Variants in NCOA2 observed in about 807,000 individuals in gnomAD.
NCOA2 encodes class E basic helix-loop-helix protein 75.
Under a neutral mutation model 145.1 loss-of-function variants are expected in NCOA2, and 21 were observed. The ratio of observed to expected loss-of-function variants is 0.14; its 90% CI spans 0.10 to 0.21. NCOA2 has a LOEUF of 0.21. Ranked by LOEUF, NCOA2 falls within the 10% of genes least tolerant of loss-of-function variation. The probability of loss-of-function intolerance (pLI) is 1.00; values close to 1 mark genes in which losing one functional copy is unlikely to be tolerated. For missense variants in NCOA2, 1,472 were observed against 1,837.6 expected (o/e 0.80, Z 3.64); for synonymous variants, 619 against 637.5 (o/e 0.97, Z 0.44).
intron 4 of NCOA2, among the ~76,000 whole-genome samples, chr8:70,208,262 C>A (rs947046781): frequency 6.6e-6 from 1 of 150,996 alleles, no homozygotes; most frequent in Non-Finnish European, 1.5e-5. Context: ...GAAGAAAATT[C>A]TATGAGAAGA....
chr8:70,376,570 A>T (rs1355515812), intron 1 of NCOA2, among the ~76,000 whole-genome samples: 1 of 152,234 alleles, frequency 6.6e-6, no homozygotes, highest in Non-Finnish European at 1.5e-5. Flanking sequence ...CAGAATCAAG[A>T]GACCAGGGTG....
In NCOA2 at chr8:70,128,452, C is replaced by A; in HGVS notation, c.3662G>T (p.Arg1221Met). The change falls in exon 18 of 23, where the codon AGG becomes ATG. Residue 1221 changes from arginine (R) to methionine (M), a missense_variant. By Grantham distance (91) the Arg-to-Met change is moderately conservative. Around this residue, in one of 4 missense-constraint regions of NCOA2, gnomAD observed 953 missense variants for 1,062.1 expected, o/e 0.90. Coordinates refer to ENST00000452400, the MANE Select transcript of NCOA2 (RefSeq NM_006540.4). ...CCTTACCTGTGTTGGTACTCCAGGC[C>A]TCAGAGTCAAGTTCACATTGGAAAC... ...SNVSNVNLTLRPGVPTQAPIN... is the reference protein window; with the variant it reads ...SNVSNVNLTLMPGVPTQAPIN... 6.2e-7 allele frequency: 1 copy of A among 1,612,680 alleles called. No homozygotes were observed. The highest frequency in any genetic ancestry group is 8.5e-7 in the Non-Finnish European group (1 of 1,179,426).
intron 4 of NCOA2, among the ~76,000 whole-genome samples, chr8:70,206,405 T>C (rs1818444847): frequency 1.3e-5 from 2 of 152,250 alleles, no homozygotes; most frequent in Admixed American, 1.3e-4. Flanking sequence ...TGAAAGCTTA[T>C]TTATAAAACA....
At chr8:70,234,390 G>T (rs1428780786) in intron 2 of NCOA2, among the ~76,000 whole-genome samples, 1 of 152,152 alleles carries the variant, frequency 6.6e-6, no homozygotes, top group East Asian at 1.9e-4. Flanking sequence ...AATGGAATCG[G>T]TGAGTCATAT....
intron 2 of NCOA2, among the ~76,000 whole-genome samples, chr8:70,217,238 G>A (rs1819707149): frequency 1.3e-5 from 2 of 152,160 alleles, no homozygotes; most frequent in Admixed American, 6.5e-5. Flanking sequence ...GCCAGGACAC[G>A]AAATTGAAGG....
At chr8:70,433,390 G>A in the NCOA2 span, among the ~76,000 whole-genome samples, 20,270 of 151,626 alleles carry the variant, frequency 0.13, 1,513 homozygotes, top group South Asian at 0.21. Context: ...TTCACATTCA[G>A]GCAACAAATA....
the NCOA2 span, among the ~76,000 whole-genome samples, chr8:70,434,555 TTTTC>T: frequency 6.6e-6 from 1 of 152,076 alleles, no homozygotes; most frequent in Admixed American, 6.6e-5. Context: ...CTCAATCTCA[TTTTC>T]TTTCTTTCTT....
At chr8:70,307,220 C>CAAAAAAAAAAAAAAAAAAAAAAAAAA (rs57161747) in intron 1 of NCOA2, among the ~76,000 whole-genome samples, 1 of 71,642 alleles carries the variant, frequency 1.4e-5, no homozygotes, top group Non-Finnish European at 3.1e-5. Flanking sequence ...CCTACATAAG[C>CAAAAAAAAAAAAAAAAAAAAAAAAAA]AAAAAAAAAA....
chr8:70,263,738 AC>A (rs1424122885), intron 2 of NCOA2, among the ~76,000 whole-genome samples: 1 of 151,916 alleles, frequency 6.6e-6, no homozygotes, highest in African/African-American at 2.4e-5. Flanking sequence ...CAAAAAAAAA[AC>A]AAACAAACAA....
chr8:70,429,424 T>G, the NCOA2 span, among the ~76,000 whole-genome samples: 1 of 152,224 alleles, frequency 6.6e-6, no homozygotes, highest in Non-Finnish European at 1.5e-5. Context: ...GTGTTGTAAT[T>G]CCCCTTAATG....
Position 70,159,643 on chromosome 8 carries a change from T to C in NCOA2, c.986A>G (p.Gln329Arg). ...ATAGATTTGACTGAATGCCAATCCTTGTCTCAGTACTGCAGGCAAGCAAGG... is the reference window on the plus strand; with the variant it reads ...ATAGATTTGACTGAATGCCAATCCTCGTCTCAGTACTGCAGGCAAGCAAGG... ...AKRHHHEVLR[Q>R]GLAFSQIYRF... The change falls in exon 10 of 23, where the codon CAA (glutamine) becomes CGA (arginine). Residue 329 changes from glutamine (Q) to arginine (R), a missense_variant. Coordinates refer to ENST00000452400, the MANE Select transcript of NCOA2 (RefSeq NM_006540.4). 1 of 1,612,396 alleles carries C rather than the reference T, an allele frequency of 6.2e-7. No homozygotes were observed. The highest frequency in any genetic ancestry group is 8.5e-7 in the Non-Finnish European group (1 of 1,178,710).
the NCOA2 span, among the ~76,000 whole-genome samples, chr8:70,447,682 C>CTTTTTTTTTTTTTTTTTTTTTTTTTTTT: frequency 8.8e-6 from 1 of 113,092 alleles, no homozygotes; most frequent in Admixed American, 9.4e-5. Context: ...TCTTTGTTTT[C>CTTTTTTTTTTTTTTTTTTTTTTTTTTTT]TTTTTTTTTT....
At chr8:70,122,423 C>CTTT (rs768646156) in intron 21 of NCOA2, among the ~76,000 whole-genome samples, 1 of 143,288 alleles carries the variant, frequency 7.0e-6, no homozygotes, top group Non-Finnish European at 1.5e-5. Flanking sequence ...CTAATTTAAA[C>CTTT]TTTTTTTTTT....
At chr8:70,185,380 C>G (rs926118283) in intron 4 of NCOA2, among the ~76,000 whole-genome samples, 1 of 152,182 alleles carries the variant, frequency 6.6e-6, no homozygotes, top group Non-Finnish European at 1.5e-5. Flanking sequence ...TAAATCATAT[C>G]ATTGTAGCAG....
At chr8:70,424,573 A>AT in the NCOA2 span, 20 of 508,896 alleles carry the variant, frequency 3.9e-5, no homozygotes, top group African/African-American at 3.9e-4. Context: ...ATCACAAGAG[A>AT]TAAGGCAGCA....
chr8:70,420,194 A>G, the NCOA2 span, among the ~76,000 whole-genome samples: 6 of 152,362 alleles, frequency 3.9e-5, no homozygotes, highest in South Asian at 6.2e-4. Flanking sequence ...TTCAAAAAAT[A>G]CTTCCTCTGC....
rs1021476218 is a variant in NCOA2 at position 70,355,316 on chromosome 8, G to C, written c.-77+48384C>G. On this transcript the variant is annotated intron_variant, in intron 1 of 22. Transcript: ENST00000452400. ...TCTGAAACAAAGGAAGCACAGTTACGAGTCCTTCAAGCCAGAATATCTCGC... is the reference window on the plus strand; with the variant it reads ...TCTGAAACAAAGGAAGCACAGTTACCAGTCCTTCAAGCCAGAATATCTCGC... Among the ~76,000 whole-genome samples, 4 of 152,182 alleles carry C rather than the reference G, an allele frequency of 2.6e-5. No individual in the cohort carries two copies. In the East Asian group the frequency reaches 5.8e-4, roughly 22 times the overall value.
At chr8:70,298,321 T>C (rs1483580239) in intron 1 of NCOA2, among the ~76,000 whole-genome samples, 1 of 152,230 alleles carries the variant, frequency 6.6e-6, no homozygotes, top group Admixed American at 6.5e-5. Flanking sequence ...AGATGGCATT[T>C]TGATTTTTAC....
At chr8:70,119,873 CTTT>C (rs34652365) in intron 22 of NCOA2, among the ~76,000 whole-genome samples, 2 of 144,194 alleles carry the variant, frequency 1.4e-5, no homozygotes, top group African/African-American at 2.5e-5. Flanking sequence ...CCTTTGTCCA[CTTT>C]TTTTTTTTTT....
Sources: allele counts gnomAD v4.1 joint callset (sites outside exome capture counted in the v4.1 genomes callset), GRCh38; gene constraint gnomAD v4.1.1; regional missense constraint gnomAD v4.1.1; transcripts MANE v1.5; gene names NCBI Gene and HGNC (gene_info 2026-07-23, HGNC 2026-07-21).